Variants in XNDC1N observed in about 807,000 individuals in gnomAD.
The protein encoded by XNDC1N is protein XNDC1N.
chr11:71,906,898 A>G, the XNDC1N span, among the ~76,000 whole-genome samples: 2 of 152,150 alleles, frequency 1.3e-5, no homozygotes, highest in African/African-American at 4.8e-5. Flanking sequence ...ATGAGGAGTG[A>G]TATCTTATAA....
the XNDC1N span, among the ~76,000 whole-genome samples, chr11:71,874,992 T>C: frequency 6.6e-6 from 1 of 152,278 alleles, no homozygotes; most frequent in East Asian, 1.9e-4. Context: ...CACCTGCAAC[T>C]CCAGCAGCCA....
chr11:71,891,140 C>A, the XNDC1N span, among the ~76,000 whole-genome samples: 2 of 151,982 alleles, frequency 1.3e-5, no homozygotes, highest in Non-Finnish European at 2.9e-5. Context: ...GGGGTGTACA[C>A]CCTCTGCGAT....
At chr11:71,917,753 G>A in the XNDC1N span, 5 of 703,168 alleles carry the variant, frequency 7.1e-6, no homozygotes, top group African/African-American at 8.7e-5. Context: ...ACATCAATTT[G>A]CAGGAACGCA....
the XNDC1N span, among the ~76,000 whole-genome samples, chr11:71,873,541 G>A: frequency 1.4e-4 from 22 of 152,296 alleles, no homozygotes; most frequent in Admixed American, 6.5e-4. Context: ...CTGAGATGGT[G>A]ACACAGGAAC....
chr11:71,917,421 A>G, the XNDC1N span: 2 of 627,234 alleles, frequency 3.2e-6, no homozygotes, highest in Non-Finnish European at 2.9e-6. Flanking sequence ...CTCCCCAGCT[A>G]GCATGCATCC....
the XNDC1N span, among the ~76,000 whole-genome samples, chr11:71,907,365 C>T: frequency 2.0e-5 from 3 of 150,826 alleles, no homozygotes; most frequent in Non-Finnish European, 4.4e-5. Context: ...CCCCGCGATG[C>T]GGGGAGTAAG....
At chr11:71,895,459 G>A in the XNDC1N span, among the ~76,000 whole-genome samples, 2 of 147,946 alleles carry the variant, frequency 1.4e-5, no homozygotes, top group Non-Finnish European at 1.5e-5. Flanking sequence ...ACAGGCATGC[G>A]CTACCATGCC....
chr11:71,903,270 T>C, the XNDC1N span: 5 of 1,254,538 alleles, frequency 4.0e-6, no homozygotes, highest in Non-Finnish European at 5.8e-6. Context: ...CAGCCGGTCG[T>C]CGCTGGGCTG....
At chr11:71,869,987 C>G in the XNDC1N span, among the ~76,000 whole-genome samples, 1 of 152,174 alleles carries the variant, frequency 6.6e-6, no homozygotes, top group Non-Finnish European at 1.5e-5. Flanking sequence ...CACAATTCCA[C>G]ATTGTTAGGC....
At chr11:71,891,484 T>A in the XNDC1N span, among the ~76,000 whole-genome samples, 2 of 151,976 alleles carry the variant, frequency 1.3e-5, no homozygotes, top group Admixed American at 1.3e-4. Flanking sequence ...AACCTGGATG[T>A]TAGCAACCAG....
the XNDC1N span, chr11:71,928,304 T>C: frequency 1.6e-6 from 1 of 607,530 alleles, no homozygotes; most frequent in Non-Finnish European, 2.9e-6. Flanking sequence ...ATTTCCTTGA[T>C]GGCCACCCTC....
the XNDC1N span, among the ~76,000 whole-genome samples, chr11:71,924,323 G>A: frequency 6.6e-6 from 1 of 152,048 alleles, no homozygotes; most frequent in Non-Finnish European, 1.5e-5. Flanking sequence ...AGGCTGCAGT[G>A]AGCCATGACG....
At chr11:71,892,411 A>G in the XNDC1N span, among the ~76,000 whole-genome samples, 4 of 152,100 alleles carry the variant, frequency 2.6e-5, no homozygotes, top group African/African-American at 4.8e-5. Flanking sequence ...CAGGGTGTAC[A>G]CCCACTGTAT....
chr11:71,916,100 C>G, the XNDC1N span: 1 of 702,946 alleles, frequency 1.4e-6, no homozygotes. Context: ...CTCAGAAGGG[C>G]TGAGGGACCC....
chr11:71,916,039 A>C, the XNDC1N span: 1 of 686,504 alleles, frequency 1.5e-6, no homozygotes, highest in South Asian at 1.5e-5. Context: ...AAAGGAAGGG[A>C]AAACATTAAA....
At chr11:71,888,859 C>A in the XNDC1N span, among the ~76,000 whole-genome samples, 2 of 152,250 alleles carry the variant, frequency 1.3e-5, no homozygotes, top group Admixed American at 6.5e-5. Context: ...GTAACACCCT[C>A]CACCCCGCCA....
chr11:71,922,054 G>A, the XNDC1N span, among the ~76,000 whole-genome samples: 1 of 152,098 alleles, frequency 6.6e-6, no homozygotes, highest in Non-Finnish European at 1.5e-5. Flanking sequence ...CAGCTACACA[G>A]GAGGCTGAGG....
the XNDC1N span, among the ~76,000 whole-genome samples, chr11:71,870,545 A>G: frequency 6.6e-6 from 1 of 152,252 alleles, no homozygotes; most frequent in Non-Finnish European, 1.5e-5. Flanking sequence ...AAATTTCATT[A>G]TAATCAAAAT....
At chr11:71,901,136 C>G in the XNDC1N span, among the ~76,000 whole-genome samples, 1 of 152,262 alleles carries the variant, frequency 6.6e-6, no homozygotes, top group Admixed American at 6.5e-5. Flanking sequence ...CAGGATCATT[C>G]GGGGCGCATC....
Sources: allele counts gnomAD v4.1 joint callset (sites outside exome capture counted in the v4.1 genomes callset), GRCh38; gene constraint gnomAD v4.1.1; transcripts MANE v1.5; gene names NCBI Gene and HGNC (gene_info 2026-07-23, HGNC 2026-07-21).